Variants in TNRC18 observed in about 807,000 individuals in gnomAD.
TNRC18 encodes the protein trinucleotide repeat containing 18.
Under a neutral mutation model 226.7 loss-of-function variants are expected in TNRC18, and 69 were observed. The observed-to-expected ratio is 0.30, with a 90% CI of 0.25 to 0.37. TNRC18 has a LOEUF of 0.37. Among genes scored for constraint, TNRC18 ranks in the 10% least tolerant of loss-of-function variants. TNRC18 has a pLI of 1.00. For missense variants in TNRC18, 4,754 were observed against 4,256.6 expected, an observed-to-expected ratio of 1.12 and a Z score of -3.25; for synonymous variants, 2,449 against 1,927.6, an observed-to-expected ratio of 1.27 and a Z score of -7.09.
At chr7:5,347,807 T>C (rs1422216198) in intron 17 of TNRC18, among the ~76,000 whole-genome samples, 1 of 151,480 alleles carries the variant, frequency 6.6e-6, no homozygotes, top group Admixed American at 6.6e-5. Context: ...ATACAAAAAT[T>C]AACCGGGTGC....
chr7:5,355,963 A>G (rs1267131933), intron 16 of TNRC18, among the ~76,000 whole-genome samples: 1 of 152,090 alleles, frequency 6.6e-6, no homozygotes, highest in Non-Finnish European at 1.5e-5. Flanking sequence ...TCAGGAGTTT[A>G]GGACCAGCCT....
intron 2 of TNRC18, among the ~76,000 whole-genome samples, chr7:5,412,176 G>A (rs184573850): frequency 3.7e-4 from 54 of 145,266 alleles, no homozygotes; most frequent in East Asian, 2.1e-4. Flanking sequence ...GTAACAGAGC[G>A]AGACCCAGCG....
At chr7:5,319,474 C>G (rs1004606105) in intron 24 of TNRC18, among the ~76,000 whole-genome samples, 1 of 152,130 alleles carries the variant, frequency 6.6e-6, no homozygotes, top group Admixed American at 6.6e-5. Flanking sequence ...CCTACATTTC[C>G]TAGGGTACCT....
At chr7:5,314,958 C>A in intron 26 of TNRC18, 26 bp downstream of exon 26, 1 of 1,592,816 alleles carries the variant, frequency 6.3e-7, no homozygotes. Context: ...GCCCACCGCC[C>A]TGCCCTGGGG....
In TNRC18 at chr7:5,307,530, C is replaced by T. The variant is rs1429523669; in HGVS notation, c.*576G>A. ...CTTTGACAGACACTCCGGGCTGCAACCCCACCCGGCTCTGTTCCCCAAGTC... is the reference window on the plus strand; with the variant it reads ...CTTTGACAGACACTCCGGGCTGCAATCCCACCCGGCTCTGTTCCCCAAGTC... On this transcript the variant is annotated 3_prime_UTR_variant, in exon 30 of 30. Transcript: ENST00000430969. The T allele has an allele frequency of 2.2e-6, 1 of 448,556 alleles. No individual in the cohort carries two copies. Among genetic ancestry groups the T allele is most frequent in the Non-Finnish European group, 4.5e-6 (1 of 223,626 alleles). 27.8% of individuals were successfully genotyped at this position (448,556 alleles called of 1,614,324 possible). A position where few individuals can be genotyped will look rare whatever the true frequency, so the allele number is the denominator to read the frequency against.
chr7:5,415,196 C>T (rs1041994084), intron 2 of TNRC18, among the ~76,000 whole-genome samples: 2 of 152,154 alleles, frequency 1.3e-5, no homozygotes, highest in East Asian at 1.9e-4. Flanking sequence ...ATACGCCAGG[C>T]TCTGACTTTT....
intron 9 of TNRC18, among the ~76,000 whole-genome samples, 154 bp from the exon 10 acceptor site, chr7:5,374,638 C>CA (rs993928859): frequency 6.6e-6 from 1 of 152,224 alleles, no homozygotes; most frequent in African/African-American, 2.4e-5. Context: ...AGGCCAGAGA[C>CA]AGACATTCCA....
At chr7:5,387,577 G>C (rs1022457769) in intron 5 of TNRC18, 95 bp downstream of exon 5, 48 of 1,494,286 alleles carry the variant, frequency 3.2e-5, no homozygotes, top group Middle Eastern at 1.8e-4. Context: ...TAAAGACTTA[G>C]CAATAGCAAA....
intron 18 of TNRC18, among the ~76,000 whole-genome samples, chr7:5,344,890 A>G (rs1791014803): frequency 6.6e-6 from 1 of 152,148 alleles, no homozygotes; most frequent in African/African-American, 2.4e-5. Context: ...ACAGTCAGAG[A>G]TGGAGAGACA....
At chr7:5,392,873 G>A (rs947168177) in intron 3 of TNRC18, among the ~76,000 whole-genome samples, 15 of 152,146 alleles carry the variant, frequency 9.9e-5, no homozygotes, top group Admixed American at 2.0e-4. Flanking sequence ...TTAACCGGGC[G>A]TGATGGTGTG....
intron 2 of TNRC18, among the ~76,000 whole-genome samples, chr7:5,406,589 G>C (rs763651906): frequency 2.0e-5 from 3 of 152,100 alleles, no homozygotes; most frequent in Non-Finnish European, 4.4e-5. Context: ...AGTGGCTCAA[G>C]CCTGTAATCC....
Position 5,308,083 on chromosome 7 carries a change from G to A in TNRC18, c.*23C>T. ...GTCCCTGGCCGCCCTCGGGGCACAG[G>A]TGGCCCGCAGGGCCCGGCGGGCTCA... is the stretch of plus-strand genomic sequence containing the variant. On this transcript the variant is annotated 3_prime_UTR_variant, in exon 30 of 30. Coordinates refer to ENST00000430969, the MANE Select transcript of TNRC18 (RefSeq NM_001080495.3). The A allele has an allele frequency of 6.5e-7, 1 of 1,540,544 alleles. No individual in the cohort carries two copies. The highest frequency in any genetic ancestry group is 8.8e-7 in the Non-Finnish European group (1 of 1,140,206).
chr7:5,335,098 T>G (rs965232459), intron 18 of TNRC18, among the ~76,000 whole-genome samples: 5 of 149,048 alleles, frequency 3.4e-5, no homozygotes, highest in South Asian at 2.1e-4. Context: ...GGTCAGGAGT[T>G]CAAGACCATC....
rs761184782 is a variant in TNRC18 at position 5,352,090 on chromosome 7, C to G, written c.5199G>C (p.Thr1733=). 1.2e-6 allele frequency: 2 copies of G among 1,600,564 alleles called. No homozygotes were observed. The highest frequency in any genetic ancestry group is 2.7e-5 in the African/African-American group (2 of 74,360). ...ASEVSSYSYN[T]DSEEDEEFLK... is the part of the protein sequence containing the mutation. ...GGAATTCTTCGTCTTCCTCTGAGTC[C>G]GTATCTGCAGTCAAAGTAGTTTTTA... The change falls in exon 17 of 30, where the codon ACG becomes ACC. Residue 1733 remains threonine (T), a synonymous_variant. Transcript: ENST00000430969.
intron 2 of TNRC18, among the ~76,000 whole-genome samples, chr7:5,410,892 G>T: frequency 7.0e-6 from 1 of 142,692 alleles, no homozygotes; most frequent in Non-Finnish European, 1.5e-5. Flanking sequence ...AAAGGGAAGA[G>T]AAAAGAGAAG....
chr7:5,401,408 G>C (rs753699164), intron 2 of TNRC18, among the ~76,000 whole-genome samples: 1 of 152,076 alleles, frequency 6.6e-6, no homozygotes, highest in Non-Finnish European at 1.5e-5. Flanking sequence ...GCACACTCCC[G>C]CCTGTCTATA....
intron 11 of TNRC18, among the ~76,000 whole-genome samples, chr7:5,369,605 CAG>C (rs144713102): frequency 2.0e-5 from 3 of 151,570 alleles, no homozygotes; most frequent in African/African-American, 4.8e-5. Flanking sequence ...GACGGGGACA[CAG>C]AGAGAGAGAG....
At chr7:5,340,075 C>G (rs551264818) in intron 18 of TNRC18, among the ~76,000 whole-genome samples, 1 of 152,108 alleles carries the variant, frequency 6.6e-6, no homozygotes, top group Non-Finnish European at 1.5e-5. Context: ...CACTTTAAAT[C>G]GAAAGCTAGA....
chr7:5,310,034 G>A (rs762859061), intron 27 of TNRC18, among the ~76,000 whole-genome samples: 17 of 151,968 alleles, frequency 1.1e-4, no homozygotes, highest in East Asian at 3.9e-4. Context: ...TCCCTCGGCC[G>A]CCTGAGTTGA....
Sources: allele counts gnomAD v4.1 joint callset (sites outside exome capture counted in the v4.1 genomes callset), GRCh38; gene constraint gnomAD v4.1.1; transcripts MANE v1.5; gene names NCBI Gene and HGNC (gene_info 2026-07-23, HGNC 2026-07-21).